SCNN1B: variants seen among roughly 807,000 people sequenced by gnomAD.
The protein encoded by SCNN1B is sodium channel epithelial 1 subunit beta.
Under a neutral mutation model 65.3 loss-of-function variants are expected in SCNN1B, and 46 were observed. The observed-to-expected ratio is 0.70, with a 90% confidence interval of 0.56 to 0.90. The LOEUF is 0.90. SCNN1B is among the 40% of genes least tolerant of loss of function. The pLI, the probability that SCNN1B is intolerant of heterozygous loss-of-function variation, is 0.00. For synonymous variants in SCNN1B, 349 were observed against 330.6 expected (o/e 1.06, Z -0.60); for missense variants, 751 against 830.5 (o/e 0.90, Z 1.18).
intron 4 of SCNN1B, among the ~76,000 whole-genome samples, chr16:23,357,740 G>GC (rs1962449875): frequency 6.6e-6 from 1 of 152,162 alleles, no homozygotes. Context: ...GACTGATGGC[G>GC]CCCTGCTGAT....
In SCNN1B at chr16:23,375,813, C is replaced by G. The variant is rs200401219; in HGVS notation, c.1228C>G (p.Arg410Gly). ...TGGCCACTACCTGTACCCACTGCCC[C>G]GTGGGGAGAAATACTGCAACAACCG... is the stretch of plus-strand genomic sequence containing the variant. ...NCGHYLYPLP[R>G]GEKYCNNRDF... Residue 410 changes from arginine (R) to glycine (G), a missense_variant, in exon 8 of 13, where the codon CGT (arginine) becomes GGT (glycine). Arg to Gly is a moderately radical substitution (Grantham distance 125). Transcript: ENST00000343070. 5.6e-6 allele frequency: 9 copies of G among 1,613,906 alleles called. No individual in the cohort carries two copies. Among genetic ancestry groups the G allele is most frequent in the Admixed American group, 1.7e-5 (1 of 59,996 alleles).
At chr16:23,332,210 T>A (rs996565851) in intron 1 of SCNN1B, among the ~76,000 whole-genome samples, 1 of 151,918 alleles carries the variant, frequency 6.6e-6, no homozygotes, top group African/African-American at 2.4e-5. Context: ...TTTTTTTCTT[T>A]TTTGAGATGG....
At position 23,325,912 on chromosome 16, in the gene SCNN1B, AATAAATAAAT is replaced by A. The variant is rs1476760273; in HGVS notation, c.-8-22670_-8-22661del. Among the ~76,000 whole-genome samples the A allele has an allele frequency of 8.7e-4, 111 of 127,926 alleles. 1 individual carries two copies. The highest frequency in any genetic ancestry group is 3.8e-3 in the African/African-American group (101 of 26,576). The allele number at this position is 127,926 out of a possible 152,430, so 83.9% of individuals were successfully genotyped here. On this transcript the variant is annotated intron_variant, in intron 1 of 12. Transcript: ENST00000343070. ...TAATAAATAAATAAATAAATAAATA[AATAAATAAAT>A]ATAAATAAAAGCCACACAGCTGTAG...
At chr16:23,357,321 G>A (rs938350421) in intron 4 of SCNN1B, among the ~76,000 whole-genome samples, 1 of 152,248 alleles carries the variant, frequency 6.6e-6, no homozygotes, top group African/African-American at 2.4e-5. Context: ...TGTGGCTCAC[G>A]CCTGTAAGCC....
intron 4 of SCNN1B, among the ~76,000 whole-genome samples, chr16:23,360,065 C>T (rs1962506845): frequency 6.6e-6 from 1 of 151,590 alleles, no homozygotes; most frequent in Admixed American, 6.6e-5. Flanking sequence ...TAGCTGGGTG[C>T]AGTGGCTCAC....
chr16:23,377,586 CCCTTCTCCCTTCCTT>C (rs1962931913), intron 10 of SCNN1B, among the ~76,000 whole-genome samples, 200 bp downstream of exon 10: 1 of 46,138 alleles, frequency 2.2e-5, no homozygotes, highest in African/African-American at 1.1e-4. Flanking sequence ...CTTCCTCCCT[CCCTTCTCCCTTCCTT>C]CCTTCCTTCT....
intron 5 of SCNN1B, 99 bp downstream of exon 5, chr16:23,368,058 G>A: frequency 1.0e-6 from 1 of 956,570 alleles, no homozygotes; most frequent in Non-Finnish European, 1.7e-6. Flanking sequence ...TGGGACTGAG[G>A]GGGGACCAAG....
intron 2 of SCNN1B, among the ~76,000 whole-genome samples, chr16:23,351,726 A>C (rs891453572): frequency 6.6e-6 from 1 of 152,196 alleles, no homozygotes; most frequent in Non-Finnish European, 1.5e-5. Flanking sequence ...GGCCCCGCAG[A>C]GATACTTCTT....
chr16:23,298,583 G>A (rs550153177), upstream of SCNN1B, among the ~76,000 whole-genome samples: 3 of 152,244 alleles, frequency 2.0e-5, no homozygotes, highest in African/African-American at 7.2e-5. Flanking sequence ...TCCGTGTTTG[G>A]CCAGTATTCA....
At chr16:23,350,723 C>A (rs1054514028) in intron 2 of SCNN1B, among the ~76,000 whole-genome samples, 2 of 151,732 alleles carry the variant, frequency 1.3e-5, no homozygotes, top group Non-Finnish European at 2.9e-5. Flanking sequence ...GACCAGCCTG[C>A]CCAACATGGT....
chr16:23,279,491 T>C (rs1960754781), intron 1 of SCNN1B, among the ~76,000 whole-genome samples: 1 of 152,178 alleles, frequency 6.6e-6, no homozygotes, highest in Non-Finnish European at 1.5e-5. Flanking sequence ...TAATTCTTAA[T>C]TTGGAGATGT....
In SCNN1B at chr16:23,380,204, C is replaced by A; in HGVS notation, c.1542+35C>A. ...GGAGTCTCCCAATACCCCAGCCCTG[C>A]CCTGCCCTGACCCCTGCACCCTGAG... is the stretch of plus-strand genomic sequence containing the variant. On this transcript the variant is annotated intron_variant, in intron 12 of 12. Coordinates refer to ENST00000343070, the MANE Select transcript of SCNN1B (RefSeq NM_000336.3). This position sits in a 1 kb window ranked among gnomAD's most constrained non-coding sequence, Gnocchi z 5.4. 6.3e-7 allele frequency: 1 copy of A among 1,579,830 alleles called. No individual in the cohort carries two copies. The highest frequency in any genetic ancestry group is 8.7e-7 in the Non-Finnish European group (1 of 1,148,718).
chr16:23,365,569 AAG>A (rs1962641419), intron 4 of SCNN1B, among the ~76,000 whole-genome samples: 1 of 85,126 alleles, frequency 1.2e-5, no homozygotes, highest in African/African-American at 9.7e-5. Context: ...GAAAGAAAGA[AAG>A]AAAGAAAGAA....
chr16:23,368,702 G>T (rs538865202), intron 5 of SCNN1B, among the ~76,000 whole-genome samples: 2 of 152,180 alleles, frequency 1.3e-5, no homozygotes, highest in African/African-American at 4.8e-5. Flanking sequence ...GTGGTAAATC[G>T]TTTCACCTGC....
intron 1 of SCNN1B, among the ~76,000 whole-genome samples, chr16:23,319,719 G>C (rs1300910665): frequency 6.6e-6 from 1 of 152,104 alleles, no homozygotes; most frequent in Non-Finnish European, 1.5e-5. Flanking sequence ...TAGCTTTGTG[G>C]CTCCCAAACT....
At chr16:23,324,152 A>C (rs1214346584) in intron 1 of SCNN1B, among the ~76,000 whole-genome samples, 2 of 151,920 alleles carry the variant, frequency 1.3e-5, no homozygotes, top group African/African-American at 4.8e-5. Context: ...AGATGGGATG[A>C]AGATGCCACC....
At chr16:23,340,742 T>C (rs1962038090) in intron 1 of SCNN1B, among the ~76,000 whole-genome samples, 2 of 152,156 alleles carry the variant, frequency 1.3e-5, no homozygotes, top group South Asian at 4.1e-4. Context: ...TTTGTAGGTC[T>C]ATCAGAGCTC....
intron 3 of SCNN1B, among the ~76,000 whole-genome samples, chr16:23,354,560 G>A (rs1962377782): frequency 6.6e-6 from 1 of 152,224 alleles, no homozygotes; most frequent in Non-Finnish European, 1.5e-5. Context: ...ACCCTGTGGT[G>A]GGCTCAGTGT....
chr16:23,351,745 C>T (rs1962313424), intron 2 of SCNN1B, among the ~76,000 whole-genome samples: 1 of 152,192 alleles, frequency 6.6e-6, no homozygotes, highest in South Asian at 2.1e-4. Context: ...TTGATAGATC[C>T]ATCTCTCACT....
Sources: allele counts gnomAD v4.1 joint callset (sites outside exome capture counted in the v4.1 genomes callset), GRCh38; gene constraint gnomAD v4.1.1; non-coding constraint Gnocchi (gnomAD v3.1); transcripts MANE v1.5; gene names NCBI Gene and HGNC (gene_info 2026-07-23, HGNC 2026-07-21).